Variants in KCNQ2 observed in about 807,000 individuals in gnomAD.
KCNQ2 encodes the protein potassium voltage-gated channel subfamily Q member 2.
A neutral mutation model predicts 84.8 loss-of-function variants in KCNQ2; 14 were observed. That is an observed-to-expected ratio of 0.17 (90% confidence interval 0.11 to 0.26). The LOEUF is 0.26. Ranked by LOEUF, KCNQ2 falls within the 10% of genes least tolerant of loss-of-function variation. KCNQ2 has a pLI of 1.00. For synonymous variants in KCNQ2, 599 were observed against 554.1 expected (o/e 1.08, Z -1.14); for missense variants, 788 against 1,254.0 (o/e 0.63, Z 5.61).
In KCNQ2 at chr20:63,446,701, G is replaced by A; in HGVS notation, c.387+46C>T. On this transcript the variant is annotated intron_variant, in intron 2 of 16. Coordinates refer to ENST00000359125, the MANE Select transcript of KCNQ2 (RefSeq NM_172107.4). This position sits in a 1 kb window ranked among gnomAD's most constrained non-coding sequence, Gnocchi z 5.5. ...GAAGACAGACGCCCAGGCAGCTCCA[G>A]CTCCTTCCTGGGCACTTCCAGCCCC... 5 of 1,516,092 alleles carry A rather than the reference G, an allele frequency of 3.3e-6. No homozygotes were observed. Among genetic ancestry groups the A allele is most frequent in the Admixed American group, 1.7e-5 (1 of 59,836 alleles). The allele number at this position is 1,516,092 out of a possible 1,614,324, so 93.9% of individuals were successfully genotyped here. A position where few individuals can be genotyped will look rare whatever the true frequency, so the allele number is the denominator to read the frequency against.
intron 1 of KCNQ2, among the ~76,000 whole-genome samples, chr20:63,471,948 C>A (rs2082226725): frequency 6.6e-6 from 1 of 152,196 alleles, no homozygotes; most frequent in Admixed American, 6.5e-5. Flanking sequence ...AGCCCCCACC[C>A]CGACCTGAGC....
chr20:63,432,319 C>T, intron 8 of KCNQ2, among the ~76,000 whole-genome samples: 1 of 145,842 alleles, frequency 6.9e-6, no homozygotes, highest in South Asian at 2.2e-4. Context: ...GAAGGCTCCA[C>T]CCTCTGGGAA....
Position 63,424,029 on chromosome 20 carries a change from CG to C in KCNQ2, c.1247+147del, listed in dbSNP as rs944261415. 2.6e-5 allele frequency: 21 copies of C among 808,380 alleles called. No homozygotes were observed. In the African/African-American group the frequency reaches 3.2e-4, roughly 12 times the overall value. 50.1% of individuals were successfully genotyped at this position (808,380 alleles called of 1,614,324 possible). A position where few individuals can be genotyped will look rare whatever the true frequency, so the allele number is the denominator to read the frequency against. ...TTTAAGGGCCCACATCACCGCCAGG[CG>C]GGGGTCTGGACCCGCAGTCACACAG... On this transcript the variant is annotated intron_variant, in intron 11 of 16. Coordinates refer to ENST00000359125, the MANE Select transcript of KCNQ2 (RefSeq NM_172107.4).
intron 1 of KCNQ2, chr20:63,471,267 C>CGGCCGCACA (rs1286174087): frequency 2.0e-5 from 3 of 152,288 alleles, no homozygotes; most frequent in Non-Finnish European, 4.4e-5. Flanking sequence ...CTGTGCACAC[C>CGGCCGCACA]GGCCGCACAG....
chr20:63,432,881 C>CAGGGAAGGCCCCACCCTT (rs1378309636), intron 8 of KCNQ2, among the ~76,000 whole-genome samples: 1 of 152,068 alleles, frequency 6.6e-6, no homozygotes, highest in Non-Finnish European at 1.5e-5. Flanking sequence ...GCTCCACCCA[C>CAGGGAAGGCCCCACCCTT]AGGGAAGGCC....
chr20:63,414,778 G>A lies in KCNQ2; in HGVS notation c.1525+125C>T, dbSNP rs1390501061. On this transcript the variant is annotated intron_variant, in intron 13 of 16. Coordinates refer to ENST00000359125, the MANE Select transcript of KCNQ2 (RefSeq NM_172107.4). The surrounding 1 kb of genome is among the most constrained non-coding windows in gnomAD (Gnocchi z 6.6). ...CAAGTCTCACCTCAATTTTAGAAAG[G>A]ATAGGGGGTTCCCACTCCAAGAGCA... 1.9e-5 allele frequency: 17 copies of A among 893,670 alleles called. No homozygotes were observed. The Admixed American group carries it at 2.6e-4, about 14-fold the overall frequency. 55.4% of individuals were successfully genotyped at this position (893,670 alleles called of 1,614,324 possible).
In KCNQ2 at chr20:63,446,917, A is replaced by G. The variant is rs1269388679; in HGVS notation, c.297-80T>C. On this transcript the variant is annotated intron_variant, in intron 1 of 16. Transcript: ENST00000359125. This position sits in a 1 kb window ranked among gnomAD's most constrained non-coding sequence, Gnocchi z 5.5. ...CTGTGTCTCCAGAACTCAGGACCCC[A>G]CTCCCCACCAGGCCGCAGCAGGGCA... 8 of 1,248,290 alleles carry G rather than the reference A, an allele frequency of 6.4e-6. No homozygotes were observed. The highest frequency in any genetic ancestry group is 4.6e-5 in the East Asian group (2 of 43,156). The allele number at this position is 1,248,290 out of a possible 1,614,324, so 77.3% of individuals were successfully genotyped here.
intron 1 of KCNQ2, among the ~76,000 whole-genome samples, chr20:63,451,119 T>C (rs954164128): frequency 8.9e-5 from 12 of 134,396 alleles, no homozygotes; most frequent in African/African-American, 2.5e-4. Context: ...GCCTAGGCAA[T>C]AGAGCAAGAC....
chr20:63,410,772 C>T (rs955876477), intron 15 of KCNQ2, among the ~76,000 whole-genome samples: 7 of 152,198 alleles, frequency 4.6e-5, no homozygotes, highest in African/African-American at 1.7e-4. Flanking sequence ...CCCCAGACGC[C>T]GTCCCCACCA....
At chr20:63,458,691 A>G (rs1600841938) in intron 1 of KCNQ2, among the ~76,000 whole-genome samples, 1 of 152,184 alleles carries the variant, frequency 6.6e-6, no homozygotes, top group Admixed American at 6.5e-5. Flanking sequence ...AGTGGCCCCA[A>G]GTGCCCAGCC....
chr20:63,462,473 A>G (rs2081982883), intron 1 of KCNQ2, among the ~76,000 whole-genome samples: 1 of 152,096 alleles, frequency 6.6e-6, no homozygotes, highest in Non-Finnish European at 1.5e-5. Flanking sequence ...CACATCAACC[A>G]CCTGAGCAGC....
chr20:63,434,035 G>T, intron 7 of KCNQ2, 132 bp from the exon 8 acceptor site: 1 of 712,952 alleles, frequency 1.4e-6, no homozygotes. Flanking sequence ...CTCTGGGCCA[G>T]CAGGCCAGGC....
chr20:63,453,883 GACA>G (rs1046063832), intron 1 of KCNQ2, among the ~76,000 whole-genome samples: 1 of 152,048 alleles, frequency 6.6e-6, no homozygotes, highest in African/African-American at 2.4e-5. Context: ...GCGGGGTGGG[GACA>G]ACGACAGCCC....
chr20:63,416,676 C>T (rs1005732318), intron 12 of KCNQ2, among the ~76,000 whole-genome samples: 2 of 152,154 alleles, frequency 1.3e-5, no homozygotes, highest in African/African-American at 2.4e-5. Flanking sequence ...GATCCCACGG[C>T]GGCTCCCCAG....
chr20:63,408,554 C>T lies in KCNQ2; in HGVS notation c.1764-18G>A, dbSNP rs2145497913. 3 of 1,610,052 alleles carry T rather than the reference C, an allele frequency of 1.9e-6. No individual in the cohort carries two copies. Among genetic ancestry groups the T allele is most frequent in the Non-Finnish European group, 2.5e-6 (3 of 1,179,086 alleles). Reference sequence around the variant, plus strand: ...GGTCCACTCTACCGGGAACAGAGACCCCAAAGCATGAGTTCGGGTGGGTGC... The same window carrying T: ...GGTCCACTCTACCGGGAACAGAGACTCCAAAGCATGAGTTCGGGTGGGTGC... On this transcript the variant is annotated intron_variant, in intron 15 of 16. Coordinates refer to ENST00000359125, the MANE Select transcript of KCNQ2 (RefSeq NM_172107.4). The surrounding 1 kb of genome is among the most constrained non-coding windows in gnomAD (Gnocchi z 5.0).
intron 1 of KCNQ2, among the ~76,000 whole-genome samples, chr20:63,451,386 G>GCA (rs1308937440): frequency 6.6e-6 from 1 of 152,080 alleles, no homozygotes; most frequent in Non-Finnish European, 1.5e-5. Flanking sequence ...GACCAGATGA[G>GCA]CACACGGCAA....
Position 63,414,238 on chromosome 20 carries a change from G to A in KCNQ2, c.1526-45C>T. The A allele has an allele frequency of 7.0e-7, 1 of 1,425,322 alleles. No homozygotes were observed. Among genetic ancestry groups the A allele is most frequent in the Non-Finnish European group, 9.9e-7 (1 of 1,010,330 alleles). The allele number at this position is 1,425,322 out of a possible 1,614,324, so 88.3% of individuals were successfully genotyped here. ...CCGTGAGGGGCCGAGGGGGCCGGGAGACCTATTCCCGGGGTCCTGCAGGGC... is the reference window on the plus strand; with the variant it reads ...CCGTGAGGGGCCGAGGGGGCCGGGAAACCTATTCCCGGGGTCCTGCAGGGC... On this transcript the variant is annotated intron_variant, in intron 13 of 16. Coordinates refer to ENST00000359125, the MANE Select transcript of KCNQ2 (RefSeq NM_172107.4). This position sits in a 1 kb window ranked among gnomAD's most constrained non-coding sequence, Gnocchi z 6.6.
intron 5 of KCNQ2, 27 bp from the exon 6 acceptor site, chr20:63,439,735 C>G: frequency 1.9e-6 from 3 of 1,540,534 alleles, no homozygotes; most frequent in Non-Finnish European, 2.7e-6. Flanking sequence ...TCTAGTCACA[C>G]GAAGGGCCTG....
Position 63,406,753 on chromosome 20 carries a change from C to T in KCNQ2, c.2510G>A (p.Gly837Glu). The change falls in exon 17 of 17, where the codon GGA (glycine) becomes GAA (glutamate). Residue 837 changes from glycine to glutamate, a missense_variant. Transcript: ENST00000359125. ...GAGGTCGGAGTCGGTGTCTGACTCT[C>T]CCTCCGCAATGTAGGGCCTGACTTT... ...CAKVRPYIAE[G>E]ESDTDSDLCT... 1.2e-6 allele frequency: 2 copies of T among 1,612,124 alleles called. No homozygotes were observed. Among genetic ancestry groups the T allele is most frequent in the South Asian group, 1.1e-5 (1 of 91,006 alleles).
Sources: allele counts gnomAD v4.1 joint callset (sites outside exome capture counted in the v4.1 genomes callset), GRCh38; gene constraint gnomAD v4.1.1; non-coding constraint Gnocchi (gnomAD v3.1); transcripts MANE v1.5; gene names NCBI Gene and HGNC (gene_info 2026-07-23, HGNC 2026-07-21).